The following GRIN2C variants were observed in gnomAD, a reference collection of about 807,000 sequenced individuals.
The protein encoded by GRIN2C is glutamate ionotropic receptor NMDA type subunit 2C.
Under a neutral mutation model 77.7 loss-of-function variants are expected in GRIN2C, and 64 were observed. The observed-to-expected ratio is 0.82, with a 90% CI of 0.67 to 1.01. The LOEUF is 1.01. GRIN2C is among the 50% of genes least tolerant of loss of function. The probability of loss-of-function intolerance (pLI) is 0.00; values close to 1 mark genes in which losing one functional copy is unlikely to be tolerated. For synonymous variants in GRIN2C, 792 were observed against 643.4 expected (o/e 1.23, Z -3.49); for missense variants, 1,549 against 1,486.0 (o/e 1.04, Z -0.70).
chr17:74,858,888 C>A (rs535947310), intron 1 of GRIN2C, among the ~76,000 whole-genome samples: 1 of 152,198 alleles, frequency 6.6e-6, no homozygotes, highest in East Asian at 1.9e-4. Context: ...CTCATCCCAA[C>A]AGAAGTCTAC....
At position 74,847,198 on chromosome 17, in the gene GRIN2C, C is replaced by T; in HGVS notation, c.2001+110G>A. The T allele has an allele frequency of 1.1e-6, 1 of 907,936 alleles. No homozygotes were observed. The highest frequency in any genetic ancestry group is 1.6e-5 in the South Asian group (1 of 64,352). The allele number at this position is 907,936 out of a possible 1,614,324, so 56.2% of individuals were successfully genotyped here. ...GCAGGCCCTGAAGCTTCTTCCTGCC[C>T]CAGCCTCCAGGTCAAATTCCCCAGA... On this transcript the variant is annotated intron_variant, in intron 9 of 12. Transcript: ENST00000293190. The surrounding 1 kb of genome is among the most constrained non-coding windows in gnomAD (Gnocchi z 5.2).
intron 1 of GRIN2C, among the ~76,000 whole-genome samples, chr17:74,856,623 C>T (rs1357280847): frequency 3.9e-5 from 6 of 151,922 alleles, no homozygotes; most frequent in African/African-American, 1.2e-4. Flanking sequence ...GGACTACAGG[C>T]GCCCACCACC....
At position 74,842,615 on chromosome 17, in the gene GRIN2C, G is replaced by A. The variant is rs751240915; in HGVS notation, c.3522C>T (p.His1174=). 1.1e-5 allele frequency: 8 copies of A among 761,256 alleles called. No individual in the cohort carries two copies. Among genetic ancestry groups the A allele is most frequent in the South Asian group, 2.8e-5 (2 of 72,156 alleles). 47.2% of individuals were successfully genotyped at this position (761,256 alleles called of 1,614,324 possible). A position where few individuals can be genotyped will look rare whatever the true frequency, so the allele number is the denominator to read the frequency against. The change falls in exon 13 of 13, where the codon CAC becomes CAT. Residue 1174 remains histidine, a synonymous_variant. Transcript: ENST00000293190. ...CCCAGGCCCCGGAGAGCCAGGAGCC[G>A]TGGCTGGCACAGGGTGGAAGGTGAG... ...VCPHLPPCAS[H]GSWLSGAWGP...
intron 1 of GRIN2C, among the ~76,000 whole-genome samples, chr17:74,856,451 T>C (rs1487638282): frequency 6.6e-6 from 1 of 150,864 alleles, no homozygotes; most frequent in Non-Finnish European, 1.5e-5. Flanking sequence ...AGGGCCTTCC[T>C]TTTGCCTGCC....
chr17:74,842,444 T>G lies in GRIN2C; in HGVS notation c.3693A>C (p.Ser1231=). 1.3e-6 allele frequency: 1 copy of G among 774,454 alleles called. No individual in the cohort carries two copies. Among genetic ancestry groups the G allele is most frequent in the Non-Finnish European group, 2.4e-6 (1 of 415,882 alleles). The allele number at this position is 774,454 out of a possible 1,614,324, so 48.0% of individuals were successfully genotyped here. The change falls in exon 13 of 13, where the codon TCA becomes TCC. Residue 1231 remains serine, a synonymous_variant. Transcript: ENST00000293190. ...CTWRRISSLE[S]EV ...CTGAGTGGCTGATAACTCACACTTC[T>G]GACTCCAGACTGGAGATCCGTCTCC...
chr17:74,848,053 G>A (rs766110294), intron 7 of GRIN2C, 76 bp from the exon 8 acceptor site: 5 of 1,542,356 alleles, frequency 3.2e-6, no homozygotes, highest in Admixed American at 1.7e-5. Flanking sequence ...GGTGGAGACA[G>A]GTAGGTCCAC....
intron 12 of GRIN2C, chr17:74,843,916 C>G (rs149916779): frequency 2.5e-5 from 12 of 472,716 alleles, no homozygotes; most frequent in African/African-American, 2.2e-4. Flanking sequence ...CTCTGCTGCC[C>G]AGGCTGGAGT....
At position 74,849,390 on chromosome 17, in the gene GRIN2C, G is replaced by A. The variant is rs1033380316; in HGVS notation, c.1645+390C>T. On this transcript the variant is annotated intron_variant, in intron 7 of 12. Transcript: ENST00000293190. The surrounding 1 kb of genome is among the most constrained non-coding windows in gnomAD (Gnocchi z 4.6). ...GGGACCTGGCTGCCCAACCAATGCC[G>A]GACTCCTCACCCAGGAAGCAACACA... Among the ~76,000 whole-genome samples the A allele has an allele frequency of 2.6e-5, 4 of 152,104 alleles. No homozygotes were observed. The highest frequency in any genetic ancestry group is 4.1e-4 in the South Asian group (2 of 4,824).
At chr17:74,858,486 C>A (rs1011847486) in intron 1 of GRIN2C, among the ~76,000 whole-genome samples, 4 of 151,964 alleles carry the variant, frequency 2.6e-5, no homozygotes, top group Admixed American at 6.6e-5. Flanking sequence ...TAGCAAGGGG[C>A]AGACTCAAGG....
Position 74,846,489 on chromosome 17 carries a change from C to T in GRIN2C, c.2163-236G>A, listed in dbSNP as rs1567890262. ...CCCAGAAGACACACCACCCTTTCTG[C>T]CCACCCTCTCCGTGCTCCTAAGACT... On this transcript the variant is annotated intron_variant, in intron 10 of 12. Transcript: ENST00000293190. The surrounding 1 kb of genome is among the most constrained non-coding windows in gnomAD (Gnocchi z 4.4). 6.6e-6 allele frequency among the ~76,000 whole-genome samples: 1 copy of T among 152,208 alleles called. No individual in the cohort carries two copies. Among genetic ancestry groups the T allele is most frequent in the Non-Finnish European group, 1.5e-5 (1 of 68,042 alleles).
At position 74,854,682 on chromosome 17, in the gene GRIN2C, T is replaced by C. The variant is rs1284361243; in HGVS notation, c.399+12A>G. The C allele has an allele frequency of 6.3e-7, 1 of 1,597,816 alleles. No individual in the cohort carries two copies. The highest frequency in any genetic ancestry group is 1.7e-5 in the Admixed American group (1 of 59,596). On this transcript the variant is annotated intron_variant, in intron 2 of 12. Transcript: ENST00000293190. Reference sequence around the variant, plus strand: ...GCCTGAGGCACGAGGGGACATGAGTTTGGACATGCACCTTGGGGGTGAGGA... The same window carrying C: ...GCCTGAGGCACGAGGGGACATGAGTCTGGACATGCACCTTGGGGGTGAGGA...
rs750724381 is a variant in GRIN2C, at chr17:74,852,073, G to A, written c.938C>T (p.Pro313Leu). The change falls in exon 3 of 13, where the codon CCG becomes CTG. Residue 313 changes from proline to leucine, a missense_variant. Transcript: ENST00000293190. ...AGGGTGAACACGGCAGTCCCCGGCC[G>A]GGGCTGGCAGGGTTCCATGCTGGCG... ...YWRQHGTLPA[P>L]AGDCRVHPGP... is the part of the protein sequence containing the mutation. 2.1e-6 allele frequency: 3 copies of A among 1,454,346 alleles called. No individual in the cohort carries two copies. Among genetic ancestry groups the A allele is most frequent in the African/African-American group, 1.5e-5 (1 of 68,446 alleles). 90.1% of individuals were successfully genotyped at this position (1,454,346 alleles called of 1,614,324 possible). A position where few individuals can be genotyped will look rare whatever the true frequency, so the allele number is the denominator to read the frequency against.
intron 4 of GRIN2C, chr17:74,851,322 C>G: frequency 2.1e-6 from 1 of 466,156 alleles, no homozygotes; most frequent in Non-Finnish European, 3.9e-6. Flanking sequence ...AGGGGCAGGA[C>G]CAGGAGATAG....
At chr17:74,858,783 C>T (rs2037885288) in intron 1 of GRIN2C, among the ~76,000 whole-genome samples, 1 of 152,020 alleles carries the variant, frequency 6.6e-6, no homozygotes, top group Admixed American at 6.6e-5. Context: ...TCCTCCCATC[C>T]CTGGAACCCA....
chr17:74,846,028 C>T lies in GRIN2C; in HGVS notation c.2350+38G>A. 3 of 1,587,572 alleles carry T rather than the reference C, an allele frequency of 1.9e-6. No homozygotes were observed. The highest frequency in any genetic ancestry group is 2.6e-6 in the Non-Finnish European group (3 of 1,157,010). On this transcript the variant is annotated intron_variant, in intron 11 of 12. Transcript: ENST00000293190. This position sits in a 1 kb window ranked among gnomAD's most constrained non-coding sequence, Gnocchi z 4.4. Reference sequence around the variant, plus strand: ...GAAATGCTGACAACCTTGGGCTCCACAGCCCACCCTGGGCATCCCAGCAAT... The same window carrying T: ...GAAATGCTGACAACCTTGGGCTCCATAGCCCACCCTGGGCATCCCAGCAAT...
rs2144529245 is a variant in GRIN2C, at chr17:74,842,536, T to A, written c.3601A>T (p.Ser1201Cys). The A allele has an allele frequency of 1.3e-6, 1 of 777,348 alleles. No individual in the cohort carries two copies. Among genetic ancestry groups the A allele is most frequent in the East Asian group, 2.4e-5 (1 of 41,186 alleles). The allele number at this position is 777,348 out of a possible 1,614,324, so 48.2% of individuals were successfully genotyped here. The change falls in exon 13 of 13, where the codon AGT (serine) becomes TGT (cysteine). Residue 1201 changes from serine to cysteine, a missense_variant. This residue lies in a region of GRIN2C where 450 missense variants were observed against 267.9 expected (regional missense o/e 1.68). Transcript: ENST00000293190. ...TLGLGTGYRD[S>C]GGLDEISRVA... ...CTGCTGATCTCGTCCAGTCCCCCACTGTCTCTGTAGCCTGTGCCCAGCCCC... is the reference window on the plus strand; with the variant it reads ...CTGCTGATCTCGTCCAGTCCCCCACAGTCTCTGTAGCCTGTGCCCAGCCCC...
Position 74,852,093 on chromosome 17 carries a change from C to A in GRIN2C, c.918G>T (p.Gln306His), listed in dbSNP as rs759221329. The change falls in exon 3 of 13, where the codon CAG (glutamine) becomes CAT (histidine). Residue 306 changes from glutamine to histidine, a missense_variant. Transcript: ENST00000293190. Reference sequence around the variant, plus strand: ...CGGCCGGGGCTGGCAGGGTTCCATGCTGGCGCCAGTAGCTGTGGGCGCCCA... The same window carrying A: ...CGGCCGGGGCTGGCAGGGTTCCATGATGGCGCCAGTAGCTGTGGGCGCCCA... ...LALGAHSYWR[Q>H]HGTLPAPAGD... 6.8e-7 allele frequency: 1 copy of A among 1,469,110 alleles called. No homozygotes were observed. Among genetic ancestry groups the A allele is most frequent in the Non-Finnish European group, 9.0e-7 (1 of 1,108,808 alleles). 91.0% of individuals were successfully genotyped at this position (1,469,110 alleles called of 1,614,324 possible).
At position 74,842,983 on chromosome 17, in the gene GRIN2C, G is replaced by A; in HGVS notation, c.3154C>T (p.Leu1052=). The A allele has an allele frequency of 2.2e-6, 1 of 461,244 alleles. No individual in the cohort carries two copies. Among genetic ancestry groups the A allele is most frequent in the Non-Finnish European group, 3.7e-6 (1 of 271,578 alleles). 28.6% of individuals were successfully genotyped at this position (461,244 alleles called of 1,614,324 possible). A position where few individuals can be genotyped will look rare whatever the true frequency, so the allele number is the denominator to read the frequency against. ...AGCTGCTCCGGACCGAGCAGCGGCA[G>A]GTCCTCCAGCTCCGGGAAGAGCGGG... The part of the protein sequence containing the change: ...FLPLFPELED[L]PLLGPEQLAR... Residue 1052 remains leucine, a synonymous_variant, in exon 13 of 13, where the codon CTG becomes TTG. Coordinates refer to ENST00000293190, the MANE Select transcript of GRIN2C (RefSeq NM_000835.6).
intron 1 of GRIN2C, among the ~76,000 whole-genome samples, chr17:74,856,933 TGAAAGGATCCCTCCAGG>T (rs1209367225): frequency 6.6e-6 from 1 of 152,182 alleles, no homozygotes; most frequent in Non-Finnish European, 1.5e-5. Context: ...AGGGTGGCAC[TGAAAGGATCCCTCCAGG>T]GAACCCACTA....
Sources: gnomAD v4.1 joint callset for allele counts (sites outside exome capture counted in the v4.1 genomes callset) on GRCh38, gnomAD v4.1.1 for gene constraint, gnomAD v4.1.1 regional missense constraint, Gnocchi (gnomAD v3.1) non-coding constraint, MANE v1.5 for transcripts, NCBI Gene and HGNC (gene_info 2026-07-23, HGNC 2026-07-21) for gene names.